The following PDCD11 variants were observed in gnomAD, a reference collection of about 807,000 sequenced individuals.
PDCD11 encodes the protein programmed cell death 11.
A neutral mutation model predicts 198.9 loss-of-function variants in PDCD11; 97 were observed. That is an observed-to-expected ratio of 0.49 (90% CI 0.41 to 0.58). The LOEUF is 0.58. PDCD11 is among the 20% of genes least tolerant of loss of function. The probability of loss-of-function intolerance (pLI) is 0.00; values close to 1 mark genes in which losing one functional copy is unlikely to be tolerated. For synonymous variants in PDCD11, 893 were observed against 918.0 expected (o/e 0.97, Z 0.49); for missense variants, 2,102 against 2,312.7 (o/e 0.91, Z 1.87).
At position 103,439,828 on chromosome 10, in the gene PDCD11, C is replaced by T; in HGVS notation, c.4108C>T (p.His1370Tyr). 6.2e-7 allele frequency: 1 copy of T among 1,614,196 alleles called. No homozygotes were observed. The highest frequency in any genetic ancestry group is 8.5e-7 in the Non-Finnish European group (1 of 1,180,012). The part of the protein sequence containing the change: ...SPSKKALYNK[H>Y]LPEGKLLTAR... ...GTCCAAGAAAGCCCTTTATAACAAA[C>T]ACCTCCCTGAAGGGAAGCTGCTCAC... is the stretch of plus-strand genomic sequence containing the variant. The change falls in exon 28 of 36, where the codon CAC becomes TAC. Residue 1370 changes from histidine to tyrosine, a missense_variant. Transcript: ENST00000369797.
Position 103,443,157 on chromosome 10 carries a change from C to T in PDCD11, c.4956-8C>T, listed in dbSNP as rs2032460846. On this transcript the variant is annotated splice_region_variant and splice_polypyrimidine_tract_variant and intron_variant, in intron 32 of 35. Coordinates refer to ENST00000369797, the MANE Select transcript of PDCD11 (RefSeq NM_014976.2). ...GTGGCGCTCATGTGCTGACTGCTCTCCCTCCAGAGAGGAGCAGGAGAAGCT... is the reference window on the plus strand; with the variant it reads ...GTGGCGCTCATGTGCTGACTGCTCTTCCTCCAGAGAGGAGCAGGAGAAGCT... 6.4e-7 allele frequency: 1 copy of T among 1,569,362 alleles called. No individual in the cohort carries two copies.
intron 1 of PDCD11, 148 bp downstream of exon 1, chr10:103,396,878 TA>T (rs1300230239): frequency 6.6e-6 from 1 of 152,390 alleles, no homozygotes; most frequent in Admixed American, 6.5e-5. Context: ...GCAGCCCCTG[TA>T]ACCCCAGGCT....
Position 103,398,515 on chromosome 10 carries a change from A to G in PDCD11, c.89A>G (p.Asp30Gly), listed in dbSNP as rs2093449000. Residue 30 changes from aspartate (D) to glycine (G), a missense_variant, in exon 2 of 36, where the codon GAC becomes GGC. Physicochemically the swap from Asp to Gly is moderately conservative, Grantham distance 94. Coordinates refer to ENST00000369797, the MANE Select transcript of PDCD11 (RefSeq NM_014976.2). ...GCTTTCCAGCAGTCAGTTGAACAAG[A>G]CAACTTATTTGATGTAAGTAGTATG... ...EKAFQQSVEQ[D>G]NLFDISTEEG... is the part of the protein sequence containing the mutation. 6.2e-7 allele frequency: 1 copy of G among 1,609,480 alleles called. No homozygotes were observed. The highest frequency in any genetic ancestry group is 8.5e-7 in the Non-Finnish European group (1 of 1,175,724).
At position 103,434,021 on chromosome 10, in the gene PDCD11, C is replaced by G; in HGVS notation, c.3548C>G (p.Thr1183Ser). The change falls in exon 23 of 36, where the codon ACT (threonine) becomes AGT (serine). Residue 1183 changes from threonine to serine, a missense_variant. Transcript: ENST00000369797. ...CGGGGGAGAATTCCCTTATTGCTCA[C>G]TTCTCTGAGCTTCAAGGTCAGTGTG... ...DIRGRIPLLL[T>S]SLSFKVLKHP... is the part of the protein sequence containing the mutation. 1 of 1,612,694 alleles carries G rather than the reference C, an allele frequency of 6.2e-7. No homozygotes were observed. The highest frequency in any genetic ancestry group is 8.5e-7 in the Non-Finnish European group (1 of 1,178,630).
rs1411915456 is a variant in PDCD11, at chr10:103,427,401, A to G, written c.3368+10A>G. 5 of 1,605,844 alleles carry G rather than the reference A, an allele frequency of 3.1e-6. No homozygotes were observed. In the African/African-American group the frequency reaches 5.4e-5, roughly 17 times the overall value. On this transcript the variant is annotated intron_variant, in intron 21 of 35. Transcript: ENST00000369797. ...TGAGTGTTCGGCCAAGGTGAGGGGG[A>G]CATTAGCAGCACTGTCTTACGGAAA...
At position 103,432,122 on chromosome 10, in the gene PDCD11, C is replaced by T; in HGVS notation, c.3369-7C>T. 1.2e-6 allele frequency: 2 copies of T among 1,601,192 alleles called. No individual in the cohort carries two copies. Among genetic ancestry groups the T allele is most frequent in the South Asian group, 1.1e-5 (1 of 90,826 alleles). Reference sequence around the variant, plus strand: ...GTTTACTGTTTACATTTCCTTTCTGCAAACAGTGAGCTGGAGGATGGCCAC... The same window carrying T: ...GTTTACTGTTTACATTTCCTTTCTGTAAACAGTGAGCTGGAGGATGGCCAC... On this transcript the variant is annotated splice_polypyrimidine_tract_variant and splice_region_variant and intron_variant, in intron 21 of 35. Transcript: ENST00000369797.
At chr10:103,412,665 A>G (rs553392128) in intron 8 of PDCD11, among the ~76,000 whole-genome samples, 3 of 152,096 alleles carry the variant, frequency 2.0e-5, no homozygotes, top group South Asian at 2.1e-4. Context: ...AGGTTTCGCC[A>G]TGTTGGCTGG....
chr10:103,433,519 G>C (rs1287103859), intron 22 of PDCD11, among the ~76,000 whole-genome samples: 1 of 152,098 alleles, frequency 6.6e-6, no homozygotes, highest in East Asian at 1.9e-4. Flanking sequence ...GAAAATTGGA[G>C]TGCATATTTA....
intron 2 of PDCD11, 86 bp downstream of exon 2, chr10:103,398,614 T>G (rs1382107939): frequency 3.4e-6 from 3 of 890,938 alleles, no homozygotes; most frequent in Non-Finnish European, 5.4e-6. Context: ...GAGAATGTGT[T>G]ATTTTTCCAG....
chr10:103,406,226 T>C, intron 6 of PDCD11, 118 bp downstream of exon 6: 1 of 1,240,074 alleles, frequency 8.1e-7, no homozygotes, highest in Admixed American at 2.2e-5. Context: ...TGCTGTGGCT[T>C]TGGTAAAACC....
At position 103,434,944 on chromosome 10, in the gene PDCD11, C is replaced by G. The variant is rs1391175076; in HGVS notation, c.3814C>G (p.Leu1272Val). The G allele has an allele frequency of 6.3e-7, 1 of 1,585,188 alleles. No homozygotes were observed. Among genetic ancestry groups the G allele is most frequent in the South Asian group, 1.2e-5 (1 of 86,572 alleles). The change falls in exon 25 of 36, where the codon CTG becomes GTG. Residue 1272 changes from leucine (L) to valine (V), a missense_variant. Coordinates refer to ENST00000369797, the MANE Select transcript of PDCD11 (RefSeq NM_014976.2). ...GAGTGACTCCTACTCCGAGACGCCC[C>G]TGGAAGACTTCGTCCCCCAGAAGGT... The part of the protein sequence containing the change: ...HMSDSYSETP[L>V]EDFVPQKVVR...
Position 103,421,443 on chromosome 10 carries a change from G to T in PDCD11, c.2373G>T (p.Gln791His). ...AKVTNVDEEK[Q>H]RMLLSLRLSD... ...TGACCAATGTGGATGAGGAGAAGCA[G>T]CGGATGCTGCTGTCACTGCGGCTGT... The change falls in exon 17 of 36, where the codon CAG becomes CAT. Residue 791 changes from glutamine (Q) to histidine (H), a missense_variant. Coordinates refer to ENST00000369797, the MANE Select transcript of PDCD11 (RefSeq NM_014976.2). 1 of 1,605,940 alleles carries T rather than the reference G, an allele frequency of 6.2e-7. No individual in the cohort carries two copies. Among genetic ancestry groups the T allele is most frequent in the Non-Finnish European group, 8.5e-7 (1 of 1,176,240 alleles).
intron 2 of PDCD11, among the ~76,000 whole-genome samples, chr10:103,398,895 T>A (rs748404096): frequency 1.3e-5 from 2 of 152,148 alleles, no homozygotes; most frequent in Non-Finnish European, 2.9e-5. Flanking sequence ...ATACCTGTAG[T>A]CCTAGCTACT....
intron 25 of PDCD11, among the ~76,000 whole-genome samples, chr10:103,437,561 C>G (rs549768583): frequency 1.3e-3 from 204 of 152,302 alleles, no homozygotes; most frequent in African/African-American, 3.8e-3. Context: ...GATCTCGGCT[C>G]ACTGCAACCT....
At position 103,425,471 on chromosome 10, in the gene PDCD11, T is replaced by C. The variant is rs1253880811; in HGVS notation, c.3251T>C (p.Val1084Ala). ...EGTSPTTKLK[V>A]GKTVTARVIG... is the part of the protein sequence containing the mutation. ...ACCTCTCCTACTACCAAGCTGAAGG[T>C]TGGGAAGACGGTCACTGCCCGAGTG... The change falls in exon 20 of 36, where the codon GTT becomes GCT. Residue 1084 changes from valine to alanine, a missense_variant. Val to Ala is a moderately conservative substitution (Grantham distance 64). Transcript: ENST00000369797. 2.5e-6 allele frequency: 4 copies of C among 1,613,618 alleles called. No homozygotes were observed. The highest frequency in any genetic ancestry group is 3.4e-6 in the Non-Finnish European group (4 of 1,179,922).
intron 21 of PDCD11, among the ~76,000 whole-genome samples, chr10:103,429,787 G>A (rs2031851674): frequency 6.6e-6 from 1 of 152,062 alleles, no homozygotes; most frequent in South Asian, 2.1e-4. Flanking sequence ...CTATGGAACA[G>A]CAACTCTGCT....
chr10:103,444,340 G>T, intron 34 of PDCD11, 177 bp from the exon 35 acceptor site: 1 of 649,814 alleles, frequency 1.5e-6, no homozygotes, highest in Non-Finnish European at 2.7e-6. Flanking sequence ...TGTCTGCAGT[G>T]CCCATCTGTG....
At chr10:103,398,580 T>G in intron 2 of PDCD11, 52 bp downstream of exon 2, 3 of 1,183,422 alleles carry the variant, frequency 2.5e-6, no homozygotes, top group Non-Finnish European at 3.8e-6. Context: ...TACTGTAGTG[T>G]CTTGTGAAAA....
chr10:103,400,502 G>C lies in PDCD11; in HGVS notation c.208G>C (p.Glu70Gln). 1 of 1,613,970 alleles carries C rather than the reference G, an allele frequency of 6.2e-7. No individual in the cohort carries two copies. Among genetic ancestry groups the C allele is most frequent in the Non-Finnish European group, 8.5e-7 (1 of 1,179,956 alleles). ...EKRESSKSAR[E>Q]KFEILSVESL... is the part of the protein sequence containing the mutation. ...GAGAGAAAGCAGCAAGTCCGCAAGAGAGAAGTTTGAAATCCTTAGTGTTGA... is the reference window on the plus strand; with the variant it reads ...GAGAGAAAGCAGCAAGTCCGCAAGACAGAAGTTTGAAATCCTTAGTGTTGA... Residue 70 changes from glutamate to glutamine, a missense_variant, in exon 3 of 36, where the codon GAG becomes CAG. Glu to Gln is a conservative substitution (Grantham distance 29). Coordinates refer to ENST00000369797, the MANE Select transcript of PDCD11 (RefSeq NM_014976.2).
Sources: allele counts gnomAD v4.1 joint callset (sites outside exome capture counted in the v4.1 genomes callset), GRCh38; gene constraint gnomAD v4.1.1; transcripts MANE v1.5; gene names NCBI Gene and HGNC (gene_info 2026-07-23, HGNC 2026-07-21).